Variants in SPAG17 observed in about 807,000 individuals in gnomAD.
The protein encoded by SPAG17 is sperm associated antigen 17.
In SPAG17, 169 loss-of-function variants were observed where a neutral mutation model predicts 273.6. That is an observed-to-expected ratio of 0.62 (90% CI 0.55 to 0.70). The LOEUF (loss-of-function observed/expected upper bound fraction) is 0.70. Ranked by LOEUF, SPAG17 falls within the 30% of genes least tolerant of loss-of-function variation. The pLI, the probability that SPAG17 is intolerant of heterozygous loss-of-function variation, is 0.00. For missense variants in SPAG17, 2,557 were observed against 2,627.8 expected (o/e 0.97, Z 0.59); for synonymous variants, 825 against 873.2 (o/e 0.94, Z 0.97).
chr1:117,966,878 ACTAACAAATGGTAG>A, intron 46 of SPAG17, 125 bp from the exon 47 acceptor site: 1 of 742,532 alleles, frequency 1.3e-6, no homozygotes, highest in Non-Finnish European at 2.0e-6. Flanking sequence ...TAAATTTGGC[ACTAACAAATGGTAG>A]TTATTATAAG....
At chr1:117,994,220 C>T (rs140059583) in intron 35 of SPAG17, among the ~76,000 whole-genome samples, 186 bp downstream of exon 35, 240 of 152,222 alleles carry the variant, frequency 1.6e-3, no homozygotes, top group Non-Finnish European at 2.8e-3. Flanking sequence ...AGGAGTATTC[C>T]TCTGAAATGT....
At chr1:118,158,786 T>C (rs1391869180) in intron 1 of SPAG17, among the ~76,000 whole-genome samples, 2 of 152,182 alleles carry the variant, frequency 1.3e-5, no homozygotes, top group African/African-American at 2.4e-5. Context: ...GAGGCTTTAG[T>C]GCTAGGACCA....
At chr1:118,142,832 G>C (rs1031350545) in intron 3 of SPAG17, among the ~76,000 whole-genome samples, 2 of 152,208 alleles carry the variant, frequency 1.3e-5, no homozygotes, top group African/African-American at 2.4e-5. Flanking sequence ...TTAACCACTA[G>C]GTATATCGCT....
intron 27 of SPAG17, among the ~76,000 whole-genome samples, chr1:118,023,746 A>G (rs1004358962): frequency 6.6e-6 from 1 of 150,720 alleles, no homozygotes; most frequent in Non-Finnish European, 1.5e-5. Context: ...GATTGATTTG[A>G]GTTTTATTTT....
chr1:118,012,907 T>A (rs568521806), intron 29 of SPAG17, among the ~76,000 whole-genome samples: 25 of 152,334 alleles, frequency 1.6e-4, no homozygotes, highest in African/African-American at 6.0e-4. Context: ...TGTGCATGTA[T>A]CTGCTGCTCA....
Position 117,972,048 on chromosome 1 carries a change from C to G in SPAG17, c.6142-1G>C. 6.3e-7 allele frequency: 1 copy of G among 1,595,028 alleles called. No homozygotes were observed. On this transcript the variant is annotated splice_acceptor_variant, in intron 44 of 48. Transcript: ENST00000336338. LOFTEE classifies it high-confidence loss of function. The stretch of plus-strand genomic sequence containing the variant: ...CTTTTCCTCCAACAGAATCTTGCAC[C>G]TTTGCATTAAGAAAAAATTAATAAA...
chr1:118,060,367 C>T lies in SPAG17; in HGVS notation c.2541-4453G>A, dbSNP rs150484926. Among the ~76,000 whole-genome samples, 27 of 152,060 alleles carry T rather than the reference C, an allele frequency of 1.8e-4. No homozygotes were observed. In the East Asian group the frequency reaches 4.4e-3, roughly 25 times the overall value. ...TTGATATCTTACCCAGGCTGGACTC[C>T]AAATCCTAGGCTCAAATGATACTCC... On this transcript the variant is annotated intron_variant, in intron 18 of 48. Transcript: ENST00000336338.
At chr1:118,028,575 C>T (rs1490108956) in intron 25 of SPAG17, among the ~76,000 whole-genome samples, 181 bp from the exon 26 acceptor site, 1 of 152,136 alleles carries the variant, frequency 6.6e-6, no homozygotes, top group Non-Finnish European at 1.5e-5. Flanking sequence ...CAGACTGGCA[C>T]ATAGGTGAGA....
At chr1:118,163,556 T>TA (rs749398250) in intron 1 of SPAG17, among the ~76,000 whole-genome samples, 2 of 151,444 alleles carry the variant, frequency 1.3e-5, no homozygotes, top group African/African-American at 2.4e-5. Context: ...TTTTTTTTTT[T>TA]ACTAGAGCAA....
At chr1:118,065,716 T>A (rs1328039203) in intron 18 of SPAG17, among the ~76,000 whole-genome samples, 1 of 152,070 alleles carries the variant, frequency 6.6e-6, no homozygotes, top group South Asian at 2.1e-4. Context: ...AACACCTAAA[T>A]TGATCCAGAA....
intron 23 of SPAG17, 91 bp downstream of exon 23, chr1:118,039,201 G>A (rs1649438987): frequency 7.3e-7 from 1 of 1,369,708 alleles, no homozygotes; most frequent in Non-Finnish European, 1.0e-6. Flanking sequence ...TTGAGAAAAA[G>A]AACATGCAAT....
chr1:118,090,727 A>G (rs1322551838), intron 10 of SPAG17, among the ~76,000 whole-genome samples: 1 of 152,030 alleles, frequency 6.6e-6, no homozygotes, highest in Admixed American at 6.6e-5. Context: ...CTCCAAAAAA[A>G]TTATTTTAAA....
At chr1:118,178,728 T>C (rs1043390611) in intron 1 of SPAG17, among the ~76,000 whole-genome samples, 1 of 151,278 alleles carries the variant, frequency 6.6e-6, no homozygotes, top group African/African-American at 2.5e-5. Context: ...ATATATTCAG[T>C]AAAGTTGCAG....
chr1:118,034,996 A>G (rs542988201), intron 24 of SPAG17, among the ~76,000 whole-genome samples: 13 of 152,318 alleles, frequency 8.5e-5, no homozygotes, highest in Admixed American at 7.2e-4. Context: ...TTCTTTGTCC[A>G]AAAGGATACT....
chr1:118,162,516 T>G (rs927517248), intron 1 of SPAG17, among the ~76,000 whole-genome samples: 46 of 152,172 alleles, frequency 3.0e-4, no homozygotes, highest in African/African-American at 1.1e-3. Flanking sequence ...AGCATCAGCC[T>G]GGGAAGAGAA....
chr1:117,959,969 T>TA (rs1652813829), intron 48 of SPAG17: 2 of 152,268 alleles, frequency 1.3e-5, no homozygotes, highest in African/African-American at 4.8e-5. Flanking sequence ...TCCTCAGACT[T>TA]AACCTTCTGC....
At chr1:118,150,105 T>C (rs1013405856) in intron 3 of SPAG17, among the ~76,000 whole-genome samples, 4 of 152,220 alleles carry the variant, frequency 2.6e-5, no homozygotes, top group Admixed American at 6.5e-5. Context: ...TCACTGCAGC[T>C]GTACCTCTGT....
chr1:117,984,574 G>T, intron 41 of SPAG17, 109 bp downstream of exon 41: 1 of 698,748 alleles, frequency 1.4e-6, no homozygotes, highest in Non-Finnish European at 2.4e-6. Flanking sequence ...CCAGGTCGAT[G>T]CAGGAAAGAA....
At chr1:118,154,693 G>A (rs559028447) in intron 1 of SPAG17, among the ~76,000 whole-genome samples, 8 of 152,016 alleles carry the variant, frequency 5.3e-5, no homozygotes, top group African/African-American at 1.9e-4. Context: ...ATCCCAACAT[G>A]CAGCTAAATG....
Sources: allele counts gnomAD v4.1 joint callset (sites outside exome capture counted in the v4.1 genomes callset), GRCh38; gene constraint gnomAD v4.1.1; transcripts MANE v1.5; gene names NCBI Gene and HGNC (gene_info 2026-07-23, HGNC 2026-07-21).